Variants in GABRA3 observed in about 807,000 individuals in gnomAD.
GABRA3 encodes gamma-aminobutyric acid type A receptor subunit alpha3.
In GABRA3, 10 loss-of-function variants were observed where a neutral mutation model predicts 30.1. The observed-to-expected ratio is 0.33, with a 90% CI of 0.20 to 0.56. The LOEUF (loss-of-function observed/expected upper bound fraction) is 0.56. Ranked by LOEUF, GABRA3 falls within the 20% of genes least tolerant of loss-of-function variation. The pLI is 0.89. For missense variants in GABRA3, 233 were observed against 392.0 expected (o/e 0.59, Z 3.42); for synonymous variants, 151 against 146.8 (o/e 1.03, Z -0.21).
intron 2 of GABRA3, among the ~76,000 whole-genome samples, chrX:152,354,706 C>T (rs990922274): frequency 1.8e-5 from 2 of 111,361 alleles, no homozygotes; most frequent in Non-Finnish European, 3.8e-5. Context: ...TTTCTAACCC[C>T]TGGAGCTATG....
At chrX:152,329,455 A>G (rs546190064) in intron 3 of GABRA3, among the ~76,000 whole-genome samples, 20 of 111,976 alleles carry the variant, frequency 1.8e-4, no homozygotes, top group Admixed American at 3.8e-4. Flanking sequence ...TATACTACAA[A>G]GCTACAGTAA....
intron 3 of GABRA3, among the ~76,000 whole-genome samples, chrX:152,294,894 G>A (rs1014152748): frequency 1.3e-4 from 14 of 108,521 alleles, no homozygotes; most frequent in Middle Eastern, 4.2e-3. Flanking sequence ...GTCTGTTGGC[G>A]TTTGCTCCAA....
intron 1 of GABRA3, among the ~76,000 whole-genome samples, chrX:152,446,119 A>G (rs1931080679): frequency 8.9e-6 from 1 of 112,191 alleles, no homozygotes; most frequent in Non-Finnish European, 1.9e-5. Context: ...CAAAATGCGT[A>G]TGCATCATCC....
At chrX:152,271,522 G>C (rs969173911) in intron 4 of GABRA3, among the ~76,000 whole-genome samples, 2 of 112,430 alleles carry the variant, frequency 1.8e-5, no homozygotes, top group Admixed American at 1.9e-4. Context: ...AGAGGAAGCA[G>C]AGTATAGAAG....
intron 3 of GABRA3, among the ~76,000 whole-genome samples, chrX:152,298,166 G>A (rs934675544): frequency 1.8e-5 from 2 of 111,993 alleles, no homozygotes; most frequent in Non-Finnish European, 3.8e-5. Context: ...ACTAATATAG[G>A]ATGTGGAGGT....
intron 7 of GABRA3, among the ~76,000 whole-genome samples, chrX:152,207,329 C>T (rs992226411): frequency 7.2e-5 from 8 of 111,784 alleles, no homozygotes; most frequent in Non-Finnish European, 1.1e-4. Context: ...TCCATTTTGA[C>T]GAACATTCTA....
At chrX:152,184,408 G>C (rs1937226539) in intron 9 of GABRA3, among the ~76,000 whole-genome samples, 2 of 111,398 alleles carry the variant, frequency 1.8e-5, no homozygotes, top group South Asian at 7.5e-4. Flanking sequence ...GATTTAGGAT[G>C]ATTAGGTAAA....
At chrX:152,363,559 G>A (rs978600516) in intron 2 of GABRA3, among the ~76,000 whole-genome samples, 11 of 110,748 alleles carry the variant, frequency 9.9e-5, no homozygotes, top group African/African-American at 2.0e-4. Context: ...CTCCTCATGA[G>A]GTCAAATTGA....
At chrX:152,294,414 G>A (rs1005104389) in intron 3 of GABRA3, among the ~76,000 whole-genome samples, 1 of 110,807 alleles carries the variant, frequency 9.0e-6, no homozygotes, top group Non-Finnish European at 1.9e-5. Flanking sequence ...CCACTTGATC[G>A]AATTGGCTAC....
chrX:152,328,173 C>A (rs933817940), intron 3 of GABRA3, among the ~76,000 whole-genome samples: 7 of 111,446 alleles, frequency 6.3e-5, no homozygotes, highest in Non-Finnish European at 1.1e-4. Context: ...CCTGAATAGA[C>A]CAATAACAGG....
intron 1 of GABRA3, among the ~76,000 whole-genome samples, chrX:152,435,139 T>C (rs1315558959): frequency 8.9e-6 from 1 of 112,041 alleles, no homozygotes; most frequent in Non-Finnish European, 1.9e-5. Context: ...CCAGACAGCA[T>C]ACTCATCTGT....
intron 2 of GABRA3, among the ~76,000 whole-genome samples, chrX:152,348,447 T>C (rs1313888196): frequency 9.0e-6 from 1 of 111,711 alleles, no homozygotes; most frequent in Non-Finnish European, 1.9e-5. Flanking sequence ...ATAATAATAA[T>C]TCATCATTGA....
At chrX:152,192,526 A>ATATTAT (rs1020573890) in intron 8 of GABRA3, among the ~76,000 whole-genome samples, 27 of 110,849 alleles carry the variant, frequency 2.4e-4, no homozygotes, top group African/African-American at 8.5e-4. Context: ...ATTATTAAAT[A>ATATTAT]TATTATTATT....
chrX:152,237,022 G>T (rs1456240992), intron 5 of GABRA3, among the ~76,000 whole-genome samples: 1 of 108,036 alleles, frequency 9.3e-6, no homozygotes, highest in African/African-American at 3.4e-5. Context: ...TGTCAATTTT[G>T]GCTTTTGTTG....
chrX:152,315,971 A>C lies in GABRA3; in HGVS notation c.262+29610T>G, dbSNP rs947367785. Among the ~76,000 whole-genome samples, 203 of 29,776 alleles carry C rather than the reference A, an allele frequency of 6.8e-3. 4 individuals carry two copies. Among genetic ancestry groups the C allele is most frequent in the Middle Eastern group, 0.026 (1 of 39 alleles). The allele number at this position is 29,776 out of a possible 115,157, so 25.9% of individuals were successfully genotyped here. A position where few individuals can be genotyped will look rare whatever the true frequency, so the allele number is the denominator to read the frequency against. On this transcript the variant is annotated intron_variant, in intron 3 of 9. Coordinates refer to ENST00000370314, the MANE Select transcript of GABRA3 (RefSeq NM_000808.4). ...TTGGGAGTTTTAGGCCCGCCCCCCG[A>C]CCCCCCCCCCCCCCACCACATGATC...
chrX:152,231,353 A>G (rs965668310), intron 5 of GABRA3, among the ~76,000 whole-genome samples: 15 of 109,758 alleles, frequency 1.4e-4, no homozygotes, highest in African/African-American at 4.9e-4. Context: ...GTGTGTATAT[A>G]CGTGTATATA....
intron 5 of GABRA3, among the ~76,000 whole-genome samples, chrX:152,252,072 T>C (rs752090208): frequency 9.0e-6 from 1 of 111,391 alleles, no homozygotes; most frequent in African/African-American, 3.3e-5. Flanking sequence ...CTCACAAATA[T>C]GTGTCAATCT....
chrX:152,301,206 G>T (rs1490255213), intron 3 of GABRA3, among the ~76,000 whole-genome samples: 1 of 111,778 alleles, frequency 8.9e-6, no homozygotes, highest in Non-Finnish European at 1.9e-5. Context: ...TGGTGAAAAA[G>T]CATCTTCAAC....
Sources: allele counts gnomAD v4.1 joint callset (sites outside exome capture counted in the v4.1 genomes callset), GRCh38; gene constraint gnomAD v4.1.1; transcripts MANE v1.5; gene names NCBI Gene and HGNC (gene_info 2026-07-23, HGNC 2026-07-21).